The following DNAL1 variants were observed in gnomAD, a reference collection of about 807,000 sequenced individuals.
DNAL1 encodes the protein chromosome 14 open reading frame 168.
Under a neutral mutation model 29.4 loss-of-function variants are expected in DNAL1, and 17 were observed. That is an observed-to-expected ratio of 0.58 (90% CI 0.40 to 0.87). The LOEUF is 0.87. Ranked by LOEUF, DNAL1 falls within the 40% of genes least tolerant of loss-of-function variation. The pLI is 0.00. For synonymous variants in DNAL1, 78 were observed against 76.3 expected (o/e 1.02, Z -0.12); for missense variants, 188 against 214.1 (o/e 0.88, Z 0.76).
In DNAL1 at chr14:73,662,975, CAAAT is replaced by C. The variant is rs545645868; in HGVS notation, c.208+937_208+940del. ...TAACTCTACTCTTTGAAGGAGCTCTCAAATAAAGTGTTGCTTTTCCATTTCCAGG... is the reference window on the plus strand; with the variant it reads ...TAACTCTACTCTTTGAAGGAGCTCTCAAAGTGTTGCTTTTCCATTTCCAGG... On this transcript the variant is annotated intron_variant, in intron 4 of 7. Coordinates refer to ENST00000553645, the MANE Select transcript of DNAL1 (RefSeq NM_031427.4). 6.6e-5 allele frequency among the ~76,000 whole-genome samples: 10 copies of C among 152,132 alleles called. No homozygotes were observed. The South Asian group carries it at 1.5e-3, about 22-fold the overall frequency.
In DNAL1 at chr14:73,654,845, A is replaced by G. The variant is rs865816165; in HGVS notation, c.4-2A>G. 6.6e-7 allele frequency: 1 copy of G among 1,512,286 alleles called. No homozygotes were observed. The highest frequency in any genetic ancestry group is 1.4e-5 in the African/African-American group (1 of 70,214). 93.7% of individuals were successfully genotyped at this position (1,512,286 alleles called of 1,614,324 possible). On this transcript the variant is annotated splice_acceptor_variant, in intron 1 of 7. Coordinates refer to ENST00000553645, the MANE Select transcript of DNAL1 (RefSeq NM_031427.4). LOFTEE classifies it high-confidence loss of function. ...TTTTCTTTCTTTTTTTTTTTTTTAA[A>G]GGCGAAAGCAACAACAATCAAAGAA...
At chr14:73,688,791 T>C (rs1892085293) in intron 6 of DNAL1, among the ~76,000 whole-genome samples, 1 of 152,178 alleles carries the variant, frequency 6.6e-6, no homozygotes, top group Non-Finnish European at 1.5e-5. Flanking sequence ...TGATTTGTTC[T>C]TTTTGACTTT....
At chr14:73,666,789 A>AT (rs1891492644) in intron 4 of DNAL1, among the ~76,000 whole-genome samples, 1 of 152,222 alleles carries the variant, frequency 6.6e-6, no homozygotes, top group East Asian at 1.9e-4. Flanking sequence ...GAATCAGCGT[A>AT]TTTTTTGATA....
At position 73,674,444 on chromosome 14, in the gene DNAL1, A is replaced by G. The variant is rs144486333; in HGVS notation, c.264+2847A>G. Among the ~76,000 whole-genome samples, 199 of 150,516 alleles carry G rather than the reference A, an allele frequency of 1.3e-3. 37 individuals carry two copies. Among genetic ancestry groups the G allele is most frequent in the African/African-American group, 4.5e-3 (181 of 39,904 alleles). On this transcript the variant is annotated intron_variant, in intron 5 of 7. Coordinates refer to ENST00000553645, the MANE Select transcript of DNAL1 (RefSeq NM_031427.4). ...ATGTTGCTTCCTCAAAGGTGACCCA[A>G]TCACGATGTGGGCTCCTTCTTGATC...
chr14:73,658,295 G>A (rs184754164), intron 2 of DNAL1, among the ~76,000 whole-genome samples: 7 of 152,214 alleles, frequency 4.6e-5, no homozygotes, highest in African/African-American at 1.2e-4. Context: ...GTGCTGTTTG[G>A]GTTGTGTTCG....
At chr14:73,656,434 C>CTTTT (rs558976461) in intron 2 of DNAL1, among the ~76,000 whole-genome samples, 2 of 132,652 alleles carry the variant, frequency 1.5e-5, no homozygotes, top group Non-Finnish European at 3.3e-5. Flanking sequence ...ACATTTTTGA[C>CTTTT]TTTTTTTTTT....
chr14:73,685,418 T>C (rs1369123145), intron 5 of DNAL1, among the ~76,000 whole-genome samples: 1 of 152,134 alleles, frequency 6.6e-6, no homozygotes, highest in Non-Finnish European at 1.5e-5. Flanking sequence ...TCCTCAAGTT[T>C]CATCCATGTT....
chr14:73,693,067 C>T (rs1393511540), intron 7 of DNAL1, among the ~76,000 whole-genome samples: 1 of 152,060 alleles, frequency 6.6e-6, no homozygotes, highest in Non-Finnish European at 1.5e-5. Flanking sequence ...AACTCCTGAC[C>T]TCGTGATCCA....
intron 4 of DNAL1, among the ~76,000 whole-genome samples, chr14:73,663,485 C>A (rs571937224): frequency 6.6e-6 from 1 of 152,044 alleles, no homozygotes; most frequent in Admixed American, 6.6e-5. Context: ...GGATTATAGG[C>A]GTGAGCCACC....
chr14:73,691,754 C>T (rs112981698), intron 7 of DNAL1, among the ~76,000 whole-genome samples: 5,942 of 151,392 alleles, frequency 0.039, 347 homozygotes, highest in African/African-American at 0.13. Flanking sequence ...AATACAATGG[C>T]GCAATCTTGG....
rs1294154906 is a variant in DNAL1, at chr14:73,701,732, A to T, written c.*5790A>T. The T allele has an allele frequency of 6.6e-6, 1 of 152,210 alleles. No homozygotes were observed. The allele number at this position is 152,210 out of a possible 1,614,324, so 9.4% of individuals were successfully genotyped here. A position where few individuals can be genotyped will look rare whatever the true frequency, so the allele number is the denominator to read the frequency against. ...CAGGCTGGCAGTCATGATTACGAGC[A>T]TCATTCCAGAATCTTTGGCTTCTAG... On this transcript the variant is annotated 3_prime_UTR_variant, in exon 8 of 8. Coordinates refer to ENST00000553645, the MANE Select transcript of DNAL1 (RefSeq NM_031427.4).
chr14:73,696,197 C>T lies in DNAL1; in HGVS notation c.*255C>T, dbSNP rs1309307512. 6 of 371,184 alleles carry T rather than the reference C, an allele frequency of 1.6e-5. No homozygotes were observed. Among genetic ancestry groups the T allele is most frequent in the Non-Finnish European group, 2.9e-5 (6 of 205,848 alleles). 23.0% of individuals were successfully genotyped at this position (371,184 alleles called of 1,614,324 possible). A position where few individuals can be genotyped will look rare whatever the true frequency, so the allele number is the denominator to read the frequency against. Reference sequence around the variant, plus strand: ...CGATTTTTGTCTTCAGTCTCAGTTACGTACTGTGTAGCCCCATCTACTAAA... The same window carrying T: ...CGATTTTTGTCTTCAGTCTCAGTTATGTACTGTGTAGCCCCATCTACTAAA... On this transcript the variant is annotated 3_prime_UTR_variant, in exon 8 of 8. Transcript: ENST00000553645.
rs1378428069 is a variant in DNAL1, at chr14:73,703,466, C to T, written c.*7524C>T. ...ATAGCCTTAACTGATGACATTCCAC[C>T]ATTGTGATTTGTTCCTGCCCCACCC... is the stretch of plus-strand genomic sequence containing the variant. On this transcript the variant is annotated 3_prime_UTR_variant, in exon 8 of 8. Coordinates refer to ENST00000553645, the MANE Select transcript of DNAL1 (RefSeq NM_031427.4). 6.6e-6 allele frequency: 1 copy of T among 152,142 alleles called. No individual in the cohort carries two copies. The highest frequency in any genetic ancestry group is 1.5e-5 in the Non-Finnish European group (1 of 68,018). The allele number at this position is 152,142 out of a possible 1,614,324, so 9.4% of individuals were successfully genotyped here. A position where few individuals can be genotyped will look rare whatever the true frequency, so the allele number is the denominator to read the frequency against.
At chr14:73,661,380 T>C (rs1444518933) in intron 3 of DNAL1, among the ~76,000 whole-genome samples, 1 of 152,180 alleles carries the variant, frequency 6.6e-6, no homozygotes, top group Non-Finnish European at 1.5e-5. Flanking sequence ...TTGGCATTTA[T>C]ATTAATATTT....
chr14:73,654,547 A>G (rs1891167792), intron 1 of DNAL1, among the ~76,000 whole-genome samples: 1 of 152,106 alleles, frequency 6.6e-6, no homozygotes, highest in Admixed American at 6.5e-5. Flanking sequence ...TCATGAGGTC[A>G]AGGAGTTCGA....
At position 73,697,431 on chromosome 14, in the gene DNAL1, T is replaced by C. The variant is rs1437974636; in HGVS notation, c.*1489T>C. The stretch of plus-strand genomic sequence containing the variant: ...TACTCTGATCAAAAGGGACCACTGC[T>C]TTGACAATCAACTCTAAATACAAAC... On this transcript the variant is annotated 3_prime_UTR_variant, in exon 8 of 8. Coordinates refer to ENST00000553645, the MANE Select transcript of DNAL1 (RefSeq NM_031427.4). 1.3e-5 allele frequency: 2 copies of C among 152,158 alleles called. No individual in the cohort carries two copies. The highest frequency in any genetic ancestry group is 3.8e-4 in the East Asian group (2 of 5,196). 9.4% of individuals were successfully genotyped at this position (152,158 alleles called of 1,614,324 possible).
chr14:73,646,528 G>A (rs906400680), intron 1 of DNAL1, among the ~76,000 whole-genome samples: 3 of 126,734 alleles, frequency 2.4e-5, no homozygotes, highest in African/African-American at 5.1e-5. Flanking sequence ...TTGTGAGGCC[G>A]AGGCGGGCAG....
chr14:73,687,324 G>A lies in DNAL1; in HGVS notation c.330G>A (p.Gly110=), dbSNP rs1324085980. 1.2e-6 allele frequency: 2 copies of A among 1,612,716 alleles called. No homozygotes were observed. The highest frequency in any genetic ancestry group is 1.7e-6 in the Non-Finnish European group (2 of 1,179,360). ...ACAATTTTATTGAGAAGTTGAAAGGGATCCACATAATGAAGAAATTGAAGA... is the reference window on the plus strand; with the variant it reads ...ACAATTTTATTGAGAAGTTGAAAGGAATCCACATAATGAAGAAATTGAAGA... ...ISYNFIEKLK[G]IHIMKKLKIL... The change falls in exon 6 of 8, where the codon GGG becomes GGA. Residue 110 remains glycine, a synonymous_variant. Transcript: ENST00000553645.
At chr14:73,691,736 C>T (rs182981435) in intron 7 of DNAL1, among the ~76,000 whole-genome samples, 6 of 151,820 alleles carry the variant, frequency 4.0e-5, no homozygotes, top group African/African-American at 1.4e-4. Flanking sequence ...CTCTGTTGCC[C>T]AGGCTGGAAT....
Sources: gnomAD v4.1 joint callset for allele counts (sites outside exome capture counted in the v4.1 genomes callset) on GRCh38, gnomAD v4.1.1 for gene constraint, MANE v1.5 for transcripts, NCBI Gene and HGNC (gene_info 2026-07-23, HGNC 2026-07-21) for gene names.